CCDC3: variants seen among roughly 807,000 people sequenced by gnomAD.
CCDC3 encodes coiled-coil domain-containing protein 3.
CCDC3 carries 24 observed loss-of-function variants against 21.4 expected under a neutral mutation model. That is an observed-to-expected ratio of 1.12 (90% CI 0.81 to 1.58). The LOEUF is 1.58. Among genes scored for constraint, CCDC3 ranks in the 40% most tolerant of loss-of-function variants. The pLI, the probability that CCDC3 is intolerant of heterozygous loss-of-function variation, is 0.00. For synonymous variants in CCDC3, 186 were observed against 166.0 expected (o/e 1.12, Z -0.93); for missense variants, 425 against 360.9 (o/e 1.18, Z -1.44).
chr10:13,081,780 G>A (rs1208078236), intron 3 of CCDC3, among the ~76,000 whole-genome samples: 1 of 152,184 alleles, frequency 6.6e-6, no homozygotes, highest in Non-Finnish European at 1.5e-5. Flanking sequence ...TAAATGCCTG[G>A]CTAAAATGGA....
intron 2 of CCDC3, among the ~76,000 whole-genome samples, chr10:12,930,369 C>A (rs189009932): frequency 7.9e-5 from 12 of 152,254 alleles, no homozygotes; most frequent in Admixed American, 7.8e-4. Context: ...GGGAAAGTGT[C>A]ACCTAATTTC....
At chr10:12,993,609 A>C (rs569996384) in intron 2 of CCDC3, among the ~76,000 whole-genome samples, 5 of 152,310 alleles carry the variant, frequency 3.3e-5, no homozygotes, top group Admixed American at 6.5e-5. Flanking sequence ...GTCCAGCAAG[A>C]GAGAAATGAG....
At chr10:12,915,244 A>T (rs933150870) in intron 2 of CCDC3, among the ~76,000 whole-genome samples, 1 of 152,216 alleles carries the variant, frequency 6.6e-6, no homozygotes, top group Admixed American at 6.5e-5. Flanking sequence ...CAGAATTTTT[A>T]AATTTATTAT....
chr10:13,074,894 G>A (rs375674526), intron 3 of CCDC3, among the ~76,000 whole-genome samples: 112 of 152,150 alleles, frequency 7.4e-4, no homozygotes, highest in Middle Eastern at 3.4e-3. Context: ...CAAAAGAAAG[G>A]GTCTCAAACA....
chr10:12,924,002 G>A (rs181663801), intron 2 of CCDC3, among the ~76,000 whole-genome samples: 5 of 152,342 alleles, frequency 3.3e-5, no homozygotes, highest in African/African-American at 9.6e-5. Context: ...GAAACACTAG[G>A]TTTGGTGTGA....
At chr10:13,070,067 G>C (rs1439956026) in intron 4 of CCDC3, among the ~76,000 whole-genome samples, 1 of 151,794 alleles carries the variant, frequency 6.6e-6, no homozygotes, top group Non-Finnish European at 1.5e-5. Context: ...CAAAACAAGA[G>C]TTAACTGAAC....
chr10:13,058,284 C>T, intron 4 of CCDC3: 1 of 1,362,430 alleles, frequency 7.3e-7, no homozygotes, highest in South Asian at 1.2e-5. Flanking sequence ...ATGCTTTCCA[C>T]ATCGTATTCA....
chr10:13,040,487 C>T (rs560021780), intron 5 of CCDC3, among the ~76,000 whole-genome samples: 9 of 152,038 alleles, frequency 5.9e-5, no homozygotes, highest in Non-Finnish European at 1.3e-4. Context: ...GGTGGATTAC[C>T]TGAGGTCAGC....
At chr10:12,933,536 C>T (rs1834684952) in intron 2 of CCDC3, among the ~76,000 whole-genome samples, 1 of 150,820 alleles carries the variant, frequency 6.6e-6, no homozygotes, top group Non-Finnish European at 1.5e-5. Context: ...TGGCTCACTG[C>T]ACCCTCTGCC....
chr10:13,014,382 G>T (rs1235543775), intron 5 of CCDC3, among the ~76,000 whole-genome samples: 1 of 145,686 alleles, frequency 6.9e-6, no homozygotes, highest in Non-Finnish European at 1.5e-5. Flanking sequence ...CCCAGGAGTC[G>T]GAGCTTGCAG....
intron 4 of CCDC3, among the ~76,000 whole-genome samples, chr10:13,056,568 A>G (rs900014285): frequency 2.0e-5 from 3 of 152,190 alleles, no homozygotes; most frequent in Non-Finnish European, 4.4e-5. Context: ...AGAAAATTAT[A>G]GGAGTGTTTA....
At chr10:13,054,254 A>C (rs971818072) in intron 4 of CCDC3, among the ~76,000 whole-genome samples, 2 of 151,654 alleles carry the variant, frequency 1.3e-5, no homozygotes, top group Non-Finnish European at 2.9e-5. Flanking sequence ...CATTCCCTCC[A>C]ATCACCTCAT....
At chr10:12,935,814 A>C (rs1342183431) in intron 2 of CCDC3, among the ~76,000 whole-genome samples, 1 of 152,136 alleles carries the variant, frequency 6.6e-6, no homozygotes, top group Non-Finnish European at 1.5e-5. Context: ...TGCAGGCGTG[A>C]GCCAGTGCGC....
Position 13,046,602 on chromosome 10 carries a change from G to A in CCDC3, c.-2+3072C>T, listed in dbSNP as rs536414302. Among the ~76,000 whole-genome samples the A allele has an allele frequency of 3.3e-5, 5 of 151,806 alleles. No homozygotes were observed. The South Asian group carries it at 1.0e-3, about 32-fold the overall frequency. On this transcript the variant is annotated intron_variant, in intron 5 of 6. Coordinates refer to the CCDC3 transcript ENST00000378839. ...CATGCCTGTAATCCCAGCTACTCAG[G>A]AGGCTGAGGCAGGAGAATTGCTTGA...
chr10:13,004,874 C>A (rs1191105143), upstream of CCDC3, among the ~76,000 whole-genome samples: 1 of 152,092 alleles, frequency 6.6e-6, no homozygotes, highest in Non-Finnish European at 1.5e-5. Flanking sequence ...AATTGCCCAC[C>A]TAATCACTAA....
Position 13,025,848 on chromosome 10 carries a change from T to C in CCDC3, c.-2+23826A>G, listed in dbSNP as rs969027173. 1.1e-4 allele frequency among the ~76,000 whole-genome samples: 16 copies of C among 152,328 alleles called. No homozygotes were observed. The East Asian group carries it at 2.7e-3, about 26-fold the overall frequency. On this transcript the variant is annotated intron_variant, in intron 5 of 6. Coordinates refer to the CCDC3 transcript ENST00000378839. The stretch of plus-strand genomic sequence containing the variant: ...GTCCCTGGAAATAAGAGCATCATAA[T>C]AGCACCAAATATCATCCCTCTTCCT...
At chr10:12,946,327 T>C (rs1208899976) in intron 2 of CCDC3, among the ~76,000 whole-genome samples, 2 of 152,160 alleles carry the variant, frequency 1.3e-5, no homozygotes, top group Non-Finnish European at 2.9e-5. Flanking sequence ...AAAGGGGAAA[T>C]TGTTCAACTA....
At chr10:13,020,593 C>T (rs1417436354) in intron 5 of CCDC3, among the ~76,000 whole-genome samples, 2 of 152,136 alleles carry the variant, frequency 1.3e-5, no homozygotes, top group African/African-American at 4.8e-5. Flanking sequence ...AGTTTCCATA[C>T]ATAATGGATC....
chr10:13,098,279 G>A (rs1021893241), intron 3 of CCDC3, among the ~76,000 whole-genome samples: 3 of 152,144 alleles, frequency 2.0e-5, no homozygotes, highest in African/African-American at 7.2e-5. Flanking sequence ...TTTCACTGAT[G>A]CTCATTTTAA....
Sources: allele counts gnomAD v4.1 joint callset (sites outside exome capture counted in the v4.1 genomes callset), GRCh38; gene constraint gnomAD v4.1.1; transcripts MANE v1.5; gene names NCBI Gene and HGNC (gene_info 2026-07-23, HGNC 2026-07-21).